The following MEGF10 variants were observed in gnomAD, a reference collection of about 807,000 sequenced individuals.
MEGF10 encodes the protein multiple EGF like domains 10.
MEGF10 carries 86 observed loss-of-function variants against 147.5 expected under a neutral mutation model. That is an observed-to-expected ratio of 0.58 (90% CI 0.49 to 0.70). The LOEUF (loss-of-function observed/expected upper bound fraction) is 0.70. MEGF10 is among the 30% of genes least tolerant of loss of function. The pLI is 0.00. For missense variants in MEGF10, 1,329 were observed against 1,487.3 expected, an observed-to-expected ratio of 0.89 and a Z score of 1.75; for synonymous variants, 478 against 525.5, an observed-to-expected ratio of 0.91 and a Z score of 1.24.
chr5:127,366,022 A>G (rs1762640259), intron 4 of MEGF10, among the ~76,000 whole-genome samples: 1 of 152,120 alleles, frequency 6.6e-6, no homozygotes, highest in Non-Finnish European at 1.5e-5. Flanking sequence ...TACATGAACA[A>G]TTAATGTCTT....
At chr5:127,403,408 T>C (rs990535173) in intron 8 of MEGF10, among the ~76,000 whole-genome samples, 7 of 152,216 alleles carry the variant, frequency 4.6e-5, no homozygotes, top group African/African-American at 1.7e-4. Context: ...GGGGTATCCA[T>C]CCCCTCAAGT....
chr5:127,437,790 T>G (rs927168697), intron 16 of MEGF10, among the ~76,000 whole-genome samples: 4 of 152,182 alleles, frequency 2.6e-5, no homozygotes, highest in African/African-American at 9.7e-5. Flanking sequence ...GAGCCTGAAG[T>G]GGCAACTCTA....
chr5:127,252,297 G>A, the MEGF10 span, among the ~76,000 whole-genome samples: 5 of 151,364 alleles, frequency 3.3e-5, no homozygotes, highest in East Asian at 9.6e-4. Context: ...TGCATGCAGT[G>A]GGCCTAAAAG....
Position 127,445,646 on chromosome 5 carries a change from C to T in MEGF10, c.2681C>T (p.Thr894Ile). ...AAGGAATCAAGCATGCCAGCAGTTA[C>T]CTACACCCCTGCTATGAGGGTCGTC... The part of the protein sequence containing the change: ...KGKESSMPAV[T>I]YTPAMRVVNA... Residue 894 changes from threonine to isoleucine, a missense_variant, in exon 20 of 25, where the codon ACC (threonine) becomes ATC (isoleucine). This residue lies in a region of MEGF10 where 343 missense variants were observed against 377.9 expected (regional missense o/e 0.91). Transcript: ENST00000503335. 6.2e-7 allele frequency: 1 copy of T among 1,614,070 alleles called. No individual in the cohort carries two copies. Among genetic ancestry groups the T allele is most frequent in the Non-Finnish European group, 8.5e-7 (1 of 1,180,008 alleles).
At chr5:127,279,968 G>T in the MEGF10 span, among the ~76,000 whole-genome samples, 1 of 152,008 alleles carries the variant, frequency 6.6e-6, no homozygotes, top group African/African-American at 2.4e-5. Flanking sequence ...ATTACTTTCA[G>T]GATGAAAATA....
At chr5:127,361,344 A>T (rs967687456) in intron 4 of MEGF10, among the ~76,000 whole-genome samples, 52 of 151,944 alleles carry the variant, frequency 3.4e-4, no homozygotes, top group African/African-American at 1.2e-3. Flanking sequence ...ACCTGTAAAA[A>T]AATCTATAGA....
chr5:127,395,707 G>A (rs1763885215), intron 5 of MEGF10, among the ~76,000 whole-genome samples: 1 of 151,826 alleles, frequency 6.6e-6, no homozygotes, highest in Admixed American at 6.6e-5. Context: ...ACCATGCCCT[G>A]CTAATTTTTT....
chr5:127,420,463 A>G (rs1482901536), intron 12 of MEGF10, among the ~76,000 whole-genome samples: 3 of 146,806 alleles, frequency 2.0e-5, no homozygotes. Context: ...CTCAACCCCC[A>G]CCCTTTACTT....
intron 13 of MEGF10, among the ~76,000 whole-genome samples, chr5:127,427,720 T>A (rs1765251318): frequency 6.6e-6 from 1 of 152,194 alleles, no homozygotes; most frequent in African/African-American, 2.4e-5. Flanking sequence ...CGTGAGGTGA[T>A]GTCTCATGCA....
chr5:127,311,250 A>G (rs1760276275), intron 1 of MEGF10, among the ~76,000 whole-genome samples: 2 of 152,228 alleles, frequency 1.3e-5, no homozygotes, highest in African/African-American at 4.8e-5. Flanking sequence ...AACACTACAG[A>G]TATTGCTTAG....
chr5:127,229,804 G>C, the MEGF10 span: 1 of 152,222 alleles, frequency 6.6e-6, no homozygotes, highest in South Asian at 2.1e-4. Flanking sequence ...GAGGTGGAGC[G>C]AGGGGAGCGA....
At chr5:127,339,263 G>T (rs145752128) in intron 3 of MEGF10, 42 bp downstream of exon 3, 2 of 1,337,966 alleles carry the variant, frequency 1.5e-6, no homozygotes, top group Non-Finnish European at 2.1e-6. Context: ...GGCTAACTGG[G>T]AATAGATTCT....
In MEGF10 at chr5:127,410,544, G is replaced by A; in HGVS notation, c.1073G>A (p.Gly358Glu). ...TGCGAAGCACGCCTGTGTCCTGAGG[G>A]GCTCTACGGCATCAAATGTGACAAA... is the stretch of plus-strand genomic sequence containing the variant. ...ERCEARLCPE[G>E]LYGIKCDKRC... Residue 358 changes from glycine to glutamate, a missense_variant, in exon 9 of 25, where the codon GGG becomes GAG. Coordinates refer to ENST00000503335, the MANE Select transcript of MEGF10 (RefSeq NM_001256545.2). 1 of 1,613,046 alleles carries A rather than the reference G, an allele frequency of 6.2e-7. No homozygotes were observed. The highest frequency in any genetic ancestry group is 8.5e-7 in the Non-Finnish European group (1 of 1,180,002).
intron 1 of MEGF10, among the ~76,000 whole-genome samples, chr5:127,302,290 G>T (rs1351464794): frequency 6.6e-6 from 1 of 152,080 alleles, no homozygotes; most frequent in Non-Finnish European, 1.5e-5. Context: ...ATTTAGTCAT[G>T]GAAAGAAATG....
At chr5:127,434,603 C>G in intron 14 of MEGF10, 84 bp from the exon 15 acceptor site, 1 of 1,433,218 alleles carries the variant, frequency 7.0e-7, no homozygotes, top group South Asian at 1.5e-5. Context: ...TTTTTAACCT[C>G]TAAAACTTTA....
chr5:127,256,040 C>T, the MEGF10 span, among the ~76,000 whole-genome samples: 1 of 152,160 alleles, frequency 6.6e-6, no homozygotes, highest in Non-Finnish European at 1.5e-5. Context: ...CTCAAACCAA[C>T]CACTGGTATC....
intron 1 of MEGF10, among the ~76,000 whole-genome samples, chr5:127,315,830 A>T (rs1360222286): frequency 6.6e-6 from 1 of 152,184 alleles, no homozygotes; most frequent in Non-Finnish European, 1.5e-5. Context: ...TTTCAAGCAT[A>T]TATTTTGAAT....
intron 4 of MEGF10, among the ~76,000 whole-genome samples, chr5:127,355,492 G>C (rs1762247898): frequency 6.6e-6 from 1 of 152,038 alleles, no homozygotes; most frequent in Non-Finnish European, 1.5e-5. Flanking sequence ...TTTTTTTCCT[G>C]TTTCCATAGG....
At chr5:127,327,572 G>A (rs1761086460) in intron 1 of MEGF10, among the ~76,000 whole-genome samples, 1 of 151,690 alleles carries the variant, frequency 6.6e-6, no homozygotes, top group Admixed American at 6.6e-5. Flanking sequence ...TAAATTTACT[G>A]GACTTTCCTT....
Sources: gnomAD v4.1 joint callset for allele counts (sites outside exome capture counted in the v4.1 genomes callset) on GRCh38, gnomAD v4.1.1 for gene constraint, gnomAD v4.1.1 regional missense constraint, MANE v1.5 for transcripts, NCBI Gene and HGNC (gene_info 2026-07-23, HGNC 2026-07-21) for gene names.